ASTN2: variants seen among roughly 807,000 people sequenced by gnomAD.
ASTN2 encodes astrotactin 2.
In ASTN2, 54 loss-of-function variants were observed where a neutral mutation model predicts 139.8. That is an observed-to-expected ratio of 0.39 (90% CI 0.31 to 0.48). The LOEUF (loss-of-function observed/expected upper bound fraction) is 0.48, where lower values mean the gene tolerates loss of function less well. Among genes scored for constraint, ASTN2 ranks in the 20% least tolerant of loss-of-function variants. The pLI, the probability that ASTN2 is intolerant of heterozygous loss-of-function variation, is 0.95. For synonymous variants in ASTN2, 756 were observed against 719.5 expected, an observed-to-expected ratio of 1.05 and a Z score of -0.81; for missense variants, 1,565 against 1,725.1, an observed-to-expected ratio of 0.91 and a Z score of 1.64.
chr9:117,409,193 GA>G (rs923917385), intron 1 of ASTN2, among the ~76,000 whole-genome samples: 6 of 151,790 alleles, frequency 4.0e-5, no homozygotes, highest in Non-Finnish European at 5.9e-5. Context: ...TCACACATAA[GA>G]AAAAAAAGTG....
At chr9:116,989,151 C>A (rs2132548364) in intron 7 of ASTN2, among the ~76,000 whole-genome samples, 1 of 151,938 alleles carries the variant, frequency 6.6e-6, no homozygotes, top group South Asian at 2.1e-4. Flanking sequence ...TTTTTCCAAG[C>A]AGCAGCTATC....
At chr9:116,712,533 T>A (rs1828194069) in intron 16 of ASTN2, among the ~76,000 whole-genome samples, 1 of 152,182 alleles carries the variant, frequency 6.6e-6, no homozygotes, top group Non-Finnish European at 1.5e-5. Context: ...TTGACATATG[T>A]GAGCACTCTG....
intron 19 of ASTN2, among the ~76,000 whole-genome samples, chr9:116,529,260 G>A (rs1851221978): frequency 6.6e-6 from 1 of 152,092 alleles, no homozygotes; most frequent in African/African-American, 2.4e-5. Context: ...CTGTGCCCTG[G>A]GTGTGAGACA....
At chr9:117,172,681 T>C (rs1016740745) in intron 3 of ASTN2, among the ~76,000 whole-genome samples, 3 of 152,136 alleles carry the variant, frequency 2.0e-5, no homozygotes, top group Non-Finnish European at 4.4e-5. Flanking sequence ...TGGGTAACAT[T>C]TCTATCCAAG....
intron 5 of ASTN2, among the ~76,000 whole-genome samples, chr9:117,069,358 C>A (rs10983498): frequency 5.8e-4 from 63 of 109,500 alleles, no homozygotes; most frequent in Non-Finnish European, 7.9e-4. Flanking sequence ...GTTTGATTGC[C>A]CTGTGGTCTG....
At chr9:116,458,916 T>C (rs1036949409) in intron 20 of ASTN2, among the ~76,000 whole-genome samples, 1 of 151,870 alleles carries the variant, frequency 6.6e-6, no homozygotes, top group South Asian at 2.1e-4. Flanking sequence ...CTCCTAAAAT[T>C]CACATGGAAA....
intron 17 of ASTN2, among the ~76,000 whole-genome samples, chr9:116,640,494 C>G (rs1857274795): frequency 6.6e-6 from 1 of 152,106 alleles, no homozygotes; most frequent in Non-Finnish European, 1.5e-5. Flanking sequence ...AGTAACAGTT[C>G]ACTCAGTGGA....
chr9:116,458,502 T>C (rs1164866410), intron 20 of ASTN2, among the ~76,000 whole-genome samples: 1 of 151,890 alleles, frequency 6.6e-6, no homozygotes, highest in Non-Finnish European at 1.5e-5. Flanking sequence ...ACCTACTATG[T>C]ACCCATAAAA....
At chr9:117,130,101 A>G (rs986760861) in intron 4 of ASTN2, among the ~76,000 whole-genome samples, 8 of 152,086 alleles carry the variant, frequency 5.3e-5, no homozygotes, top group African/African-American at 1.9e-4. Context: ...GAGCTCAGGA[A>G]TTCAAGACTA....
intron 2 of ASTN2, among the ~76,000 whole-genome samples, chr9:117,227,638 G>A (rs1046817995): frequency 6.6e-6 from 1 of 152,150 alleles, no homozygotes; most frequent in Non-Finnish European, 1.5e-5. Context: ...GATATGTAGT[G>A]AATAAAGAAA....
intron 16 of ASTN2, among the ~76,000 whole-genome samples, chr9:116,687,780 C>T (rs965751882): frequency 6.6e-6 from 1 of 151,722 alleles, no homozygotes; most frequent in African/African-American, 2.4e-5. Flanking sequence ...ACTGGGGGGC[C>T]CCGATGAGAT....
At chr9:116,489,073 T>C (rs1264452538) in intron 19 of ASTN2, among the ~76,000 whole-genome samples, 1 of 152,188 alleles carries the variant, frequency 6.6e-6, no homozygotes, top group Non-Finnish European at 1.5e-5. Context: ...CTCAGAGCTC[T>C]ATTCATGTAC....
chr9:116,437,232 C>A (rs931217122), intron 22 of ASTN2: 6 of 452,570 alleles, frequency 1.3e-5, no homozygotes, highest in African/African-American at 1.2e-4. Context: ...TCTAGTTCGT[C>A]CTTATCATGT....
chr9:116,492,586 T>C (rs1849549397), intron 19 of ASTN2, among the ~76,000 whole-genome samples: 1 of 152,168 alleles, frequency 6.6e-6, no homozygotes, highest in Non-Finnish European at 1.5e-5. Context: ...AGATAACTTG[T>C]ACCAGCCAAC....
chr9:116,969,432 C>T (rs1228751858), intron 10 of ASTN2, among the ~76,000 whole-genome samples: 1 of 152,140 alleles, frequency 6.6e-6, no homozygotes, highest in Non-Finnish European at 1.5e-5. Flanking sequence ...ATTGCTGTTC[C>T]TCAGTGACAG....
intron 19 of ASTN2, among the ~76,000 whole-genome samples, chr9:116,607,214 T>G (rs901413783): frequency 2.0e-5 from 3 of 152,174 alleles, no homozygotes; most frequent in Non-Finnish European, 4.4e-5. Context: ...AGTTAAGACA[T>G]GAATGTGTCT....
intron 5 of ASTN2, among the ~76,000 whole-genome samples, chr9:117,091,225 C>T (rs1358225484): frequency 2.0e-5 from 3 of 152,198 alleles, no homozygotes; most frequent in Non-Finnish European, 2.9e-5. Context: ...TCCTGAACAC[C>T]TATAAGCCAA....
chr9:117,406,279 C>T (rs1338954489), intron 1 of ASTN2, among the ~76,000 whole-genome samples: 1 of 152,226 alleles, frequency 6.6e-6, no homozygotes, highest in Non-Finnish European at 1.5e-5. Context: ...GTAGAGACTC[C>T]TTCAGGCTTT....
chr9:117,229,966 C>T (rs933225302), intron 2 of ASTN2, among the ~76,000 whole-genome samples: 14 of 151,658 alleles, frequency 9.2e-5, no homozygotes, highest in Non-Finnish European at 1.9e-4. Flanking sequence ...GAGAATTTCA[C>T]GAGGGTAGGA....
Sources: allele counts gnomAD v4.1 joint callset (sites outside exome capture counted in the v4.1 genomes callset), GRCh38; gene constraint gnomAD v4.1.1; transcripts MANE v1.5; gene names NCBI Gene and HGNC (gene_info 2026-07-23, HGNC 2026-07-21).